The following RTN1 variants were observed in gnomAD, a reference collection of about 807,000 sequenced individuals.
RTN1 encodes the protein reticulon-1.
Under a neutral mutation model 65.5 loss-of-function variants are expected in RTN1, and 25 were observed. That is an observed-to-expected ratio of 0.38 (90% confidence interval 0.28 to 0.53). The LOEUF is 0.53. Among genes scored for constraint, RTN1 ranks in the 20% least tolerant of loss-of-function variants. The pLI, the probability that RTN1 is intolerant of heterozygous loss-of-function variation, is 0.79. For missense variants in RTN1, 983 were observed against 1,025.4 expected (o/e 0.96, Z 0.57); for synonymous variants, 471 against 447.6 (o/e 1.05, Z -0.66).
intron 1 of RTN1, among the ~76,000 whole-genome samples, chr14:59,811,669 TTTGG>T (rs764234768): frequency 3.3e-5 from 5 of 152,180 alleles, no homozygotes; most frequent in Non-Finnish European, 7.4e-5. Context: ...TCACCGCATA[TTTGG>T]AAAGACTCAT....
intron 3 of RTN1, among the ~76,000 whole-genome samples, chr14:59,637,871 G>A (rs1439493492): frequency 6.7e-6 from 1 of 150,124 alleles, no homozygotes; most frequent in Non-Finnish European, 1.5e-5. Flanking sequence ...TTTTTTTCCC[G>A]AGATGGAGTT....
intron 1 of RTN1, among the ~76,000 whole-genome samples, chr14:59,780,215 T>C (rs1464432287): frequency 2.0e-4 from 30 of 152,184 alleles, no homozygotes; most frequent in Admixed American, 2.0e-3. Context: ...AAGACATATT[T>C]TCGGTGCCAC....
intron 1 of RTN1, among the ~76,000 whole-genome samples, chr14:59,756,783 C>G (rs1007632156): frequency 2.0e-5 from 3 of 149,556 alleles, no homozygotes; most frequent in Admixed American, 6.7e-5. Flanking sequence ...CCCCACCCCC[C>G]ACACAGAATT....
intron 3 of RTN1, among the ~76,000 whole-genome samples, chr14:59,708,148 C>A (rs1884338105): frequency 6.6e-6 from 1 of 152,132 alleles, no homozygotes; most frequent in African/African-American, 2.4e-5. Context: ...ATGTGCTTTC[C>A]CACAGGAATA....
intron 1 of RTN1, among the ~76,000 whole-genome samples, chr14:59,782,911 A>G (rs1256696234): frequency 3.3e-5 from 5 of 152,142 alleles, no homozygotes; most frequent in Non-Finnish European, 7.4e-5. Flanking sequence ...AAAGTCTACC[A>G]TGCAGTCTAT....
At chr14:59,848,030 C>T (rs1887439514) in intron 1 of RTN1, among the ~76,000 whole-genome samples, 1 of 152,174 alleles carries the variant, frequency 6.6e-6, no homozygotes, top group African/African-American at 2.4e-5. Context: ...TCATTAGAGC[C>T]TCTTTCATCT....
intron 3 of RTN1, among the ~76,000 whole-genome samples, chr14:59,663,807 C>G (rs1182155273): frequency 6.6e-6 from 1 of 151,726 alleles, no homozygotes; most frequent in East Asian, 1.9e-4. Flanking sequence ...GAATGGTGAT[C>G]ATTAAAATGC....
chr14:59,655,758 TCAA>T (rs1883109873), intron 3 of RTN1, among the ~76,000 whole-genome samples: 1 of 152,216 alleles, frequency 6.6e-6, no homozygotes, highest in African/African-American at 2.4e-5. Flanking sequence ...CAGTGTATTT[TCAA>T]CAACAGTCCT....
chr14:59,800,588 G>C (rs972578435), intron 1 of RTN1, among the ~76,000 whole-genome samples: 1 of 152,098 alleles, frequency 6.6e-6, no homozygotes, highest in Non-Finnish European at 1.5e-5. Flanking sequence ...TTTTAGTAGA[G>C]ACAGGGTTTC....
chr14:59,651,823 C>T (rs774804833), intron 3 of RTN1, among the ~76,000 whole-genome samples: 8 of 151,988 alleles, frequency 5.3e-5, no homozygotes, highest in Non-Finnish European at 8.8e-5. Context: ...AAAGCAACCA[C>T]GATAAATTGA....
chr14:59,824,756 A>G (rs1309166090), intron 1 of RTN1, among the ~76,000 whole-genome samples: 1 of 152,220 alleles, frequency 6.6e-6, no homozygotes, highest in African/African-American at 2.4e-5. Flanking sequence ...AAGCTACTAC[A>G]ATGCATTTTA....
rs1278531825 is a variant in RTN1, at chr14:59,790,223, T to C, written c.242-43742A>G. The stretch of plus-strand genomic sequence containing the variant: ...GGAGATTTTAACTAGTCTATAATTT[T>C]GTAACTTTTTAAGTGGTAACAATCT... On this transcript the variant is annotated intron_variant, in intron 1 of 8. Coordinates refer to ENST00000267484, the MANE Select transcript of RTN1 (RefSeq NM_021136.3). The surrounding 1 kb of genome is among the most constrained non-coding windows in gnomAD (Gnocchi z 4.1). Among the ~76,000 whole-genome samples the C allele has an allele frequency of 6.6e-6, 1 of 152,010 alleles. No homozygotes were observed.
rs536586026 is a variant in RTN1, at chr14:59,689,063, A to G, written c.1765+37856T>C. 5.9e-5 allele frequency among the ~76,000 whole-genome samples: 9 copies of G among 152,290 alleles called. No individual in the cohort carries two copies. The South Asian group carries it at 1.9e-3, about 32-fold the overall frequency. On this transcript the variant is annotated intron_variant, in intron 3 of 8. Transcript: ENST00000267484. ...CACGACAAGGTTGAAAATCAACACA[A>G]TGAAACTTCTTAAGCAATCCAGGAA...
chr14:59,763,185 T>C (rs1422500532), intron 1 of RTN1, among the ~76,000 whole-genome samples: 4 of 152,176 alleles, frequency 2.6e-5, no homozygotes, highest in Non-Finnish European at 1.5e-5. Context: ...AAAGTTATTA[T>C]ACTGAGTGCA....
At chr14:59,781,750 T>C (rs1886159764) in intron 1 of RTN1, among the ~76,000 whole-genome samples, 1 of 152,206 alleles carries the variant, frequency 6.6e-6, no homozygotes, top group Non-Finnish European at 1.5e-5. Flanking sequence ...ACTTTTCTTG[T>C]ATATTGAATT....
intron 1 of RTN1, among the ~76,000 whole-genome samples, chr14:59,826,798 AG>A (rs1887039103): frequency 6.6e-6 from 1 of 152,214 alleles, no homozygotes; most frequent in African/African-American, 2.4e-5. Context: ...GAAAAAAGAC[AG>A]GGCCCTGCTT....
chr14:59,602,934 T>C (rs1404809969), intron 8 of RTN1, 131 bp downstream of exon 8: 1 of 641,392 alleles, frequency 1.6e-6, no homozygotes, highest in Admixed American at 3.2e-5. Context: ...AGAATGAATA[T>C]ATGATTCCAG....
At chr14:59,684,666 C>T (rs1027056008) in intron 3 of RTN1, among the ~76,000 whole-genome samples, 1 of 151,960 alleles carries the variant, frequency 6.6e-6, no homozygotes, top group Non-Finnish European at 1.5e-5. Flanking sequence ...CCATCCTCTT[C>T]CCTGAATTTA....
At chr14:59,694,386 A>C (rs1176655921) in intron 3 of RTN1, among the ~76,000 whole-genome samples, 1 of 152,182 alleles carries the variant, frequency 6.6e-6, no homozygotes, top group East Asian at 1.9e-4. Flanking sequence ...AAACACTCTA[A>C]GAATGGAGGG....
Sources: gnomAD v4.1 joint callset for allele counts (sites outside exome capture counted in the v4.1 genomes callset) on GRCh38, gnomAD v4.1.1 for gene constraint, Gnocchi (gnomAD v3.1) non-coding constraint, MANE v1.5 for transcripts, NCBI Gene and HGNC (gene_info 2026-07-23, HGNC 2026-07-21) for gene names.